The following TMPRSS11F variants were observed in gnomAD, a reference collection of about 807,000 sequenced individuals.
The protein encoded by TMPRSS11F is transmembrane protease serine 11F.
In TMPRSS11F, 47 loss-of-function variants were observed where a neutral mutation model predicts 60.2. That is an observed-to-expected ratio of 0.78 (90% CI 0.62 to 1.00). The LOEUF (loss-of-function observed/expected upper bound fraction) is 1.00, where lower values mean the gene tolerates loss of function less well. Ranked by LOEUF, TMPRSS11F falls within the 50% of genes least tolerant of loss-of-function variation. The pLI, the probability that TMPRSS11F is intolerant of heterozygous loss-of-function variation, is 0.00. For synonymous variants in TMPRSS11F, 166 were observed against 167.3 expected (o/e 0.99, Z 0.06); for missense variants, 519 against 522.9 (o/e 0.99, Z 0.07).
At chr4:68,127,909 A>G (rs1724744675) in intron 1 of TMPRSS11F, among the ~76,000 whole-genome samples, 1 of 152,172 alleles carries the variant, frequency 6.6e-6, no homozygotes, top group Non-Finnish European at 1.5e-5. Flanking sequence ...GCTTTTAGCT[A>G]TCCACAAATA....
chr4:68,094,626 T>C (rs1724034614), intron 2 of TMPRSS11F, among the ~76,000 whole-genome samples: 2 of 151,768 alleles, frequency 1.3e-5, no homozygotes, highest in South Asian at 4.1e-4. Context: ...TCTTGGGATT[T>C]CATGGGAGAA....
intron 2 of TMPRSS11F, among the ~76,000 whole-genome samples, chr4:68,092,141 G>A (rs916125714): frequency 2.0e-5 from 3 of 151,932 alleles, no homozygotes; most frequent in Non-Finnish European, 4.4e-5. Flanking sequence ...TTTTTTCAAT[G>A]TTGAAAACAT....
chr4:68,062,075 C>T (rs1183501466), intron 8 of TMPRSS11F: 3 of 451,700 alleles, frequency 6.6e-6, no homozygotes, highest in African/African-American at 2.0e-5. Flanking sequence ...ATATGACTTA[C>T]GATAGGGTTG....
At chr4:68,079,324 C>T (rs914604165) in intron 3 of TMPRSS11F, among the ~76,000 whole-genome samples, 1 of 152,004 alleles carries the variant, frequency 6.6e-6, no homozygotes, top group Non-Finnish European at 1.5e-5. Flanking sequence ...GTGTTAAGCG[C>T]ATTAAGTGAC....
chr4:68,121,319 G>A (rs943550598), intron 1 of TMPRSS11F, among the ~76,000 whole-genome samples: 1 of 152,076 alleles, frequency 6.6e-6, no homozygotes, highest in Non-Finnish European at 1.5e-5. Context: ...AACACCTAAG[G>A]AGACAAAAAC....
chr4:68,104,562 A>C (rs866950084), intron 1 of TMPRSS11F, among the ~76,000 whole-genome samples: 1 of 152,098 alleles, frequency 6.6e-6, no homozygotes, highest in Non-Finnish European at 1.5e-5. Flanking sequence ...ACCTTCTGCC[A>C]TGATTATAAG....
At chr4:68,119,939 T>C (rs1253872648) in intron 1 of TMPRSS11F, among the ~76,000 whole-genome samples, 1 of 152,140 alleles carries the variant, frequency 6.6e-6, no homozygotes, top group Non-Finnish European at 1.5e-5. Context: ...ACATCTGTGA[T>C]TTATGGAGGG....
chr4:68,126,550 G>A (rs913292830), intron 1 of TMPRSS11F, among the ~76,000 whole-genome samples: 1 of 152,040 alleles, frequency 6.6e-6, no homozygotes, highest in African/African-American at 2.4e-5. Flanking sequence ...CATAATAAAC[G>A]GTAAAACTTG....
At chr4:68,111,780 A>G (rs1222849531) in intron 1 of TMPRSS11F, among the ~76,000 whole-genome samples, 1 of 152,140 alleles carries the variant, frequency 6.6e-6, no homozygotes, top group African/African-American at 2.4e-5. Context: ...TCATTTAATG[A>G]TTAGTTAAGG....
At chr4:68,076,884 A>G (rs1449834157) in intron 3 of TMPRSS11F, among the ~76,000 whole-genome samples, 4 of 152,202 alleles carry the variant, frequency 2.6e-5, no homozygotes, top group African/African-American at 7.2e-5. Flanking sequence ...TGGTAAATAC[A>G]TAGGCAACCA....
At chr4:68,088,917 T>C (rs1723870844) in intron 3 of TMPRSS11F, among the ~76,000 whole-genome samples, 1 of 152,064 alleles carries the variant, frequency 6.6e-6, no homozygotes, top group African/African-American at 2.4e-5. Context: ...AAACAAACGT[T>C]GTCTCATGGA....
intron 2 of TMPRSS11F, among the ~76,000 whole-genome samples, chr4:68,098,574 GAA>G (rs2109871221): frequency 6.6e-6 from 1 of 152,162 alleles, no homozygotes; most frequent in South Asian, 2.1e-4. Flanking sequence ...TACTGATTCT[GAA>G]AAGAGTATAC....
At chr4:68,114,933 T>A (rs535141037) in intron 1 of TMPRSS11F, among the ~76,000 whole-genome samples, 2 of 145,446 alleles carry the variant, frequency 1.4e-5, no homozygotes, top group African/African-American at 5.1e-5. Flanking sequence ...TCCTATGTGA[T>A]CATCTCAATA....
At chr4:68,079,027 T>A (rs1182048608) in intron 3 of TMPRSS11F, among the ~76,000 whole-genome samples, 1 of 103,442 alleles carries the variant, frequency 9.7e-6, no homozygotes, top group African/African-American at 2.9e-5. Context: ...CAAACCATAG[T>A]CCCCCAATGC....
At chr4:68,124,470 G>A (rs1379605703) in intron 1 of TMPRSS11F, among the ~76,000 whole-genome samples, 1 of 152,176 alleles carries the variant, frequency 6.6e-6, no homozygotes, top group East Asian at 1.9e-4. Flanking sequence ...CAGCGATCAT[G>A]ACAGAGCAAA....
chr4:68,111,317 C>T (rs917388846), intron 1 of TMPRSS11F, among the ~76,000 whole-genome samples: 11 of 152,216 alleles, frequency 7.2e-5, no homozygotes, highest in Admixed American at 2.0e-4. Context: ...ACTATTCCTA[C>T]GGCAACTCAG....
Position 68,062,909 on chromosome 4 carries a change from G to T in TMPRSS11F, c.1015+1776C>A, listed in dbSNP as rs371091068. ...GTGGCTGCCTTTTATCACTTCTGCTGATAGTCTCCCATTTGTGGCATTATA... is the reference window on the plus strand; with the variant it reads ...GTGGCTGCCTTTTATCACTTCTGCTTATAGTCTCCCATTTGTGGCATTATA... On this transcript the variant is annotated intron_variant, in intron 8 of 9. Transcript: ENST00000356291. 4.0e-5 allele frequency: 32 copies of T among 805,624 alleles called. No individual in the cohort carries two copies. In the African/African-American group the frequency reaches 4.9e-4, roughly 12 times the overall value. The allele number at this position is 805,624 out of a possible 1,614,324, so 49.9% of individuals were successfully genotyped here.
At chr4:68,115,066 C>T (rs1372887152) in intron 1 of TMPRSS11F, among the ~76,000 whole-genome samples, 1 of 150,436 alleles carries the variant, frequency 6.6e-6, no homozygotes, top group African/African-American at 2.4e-5. Context: ...GAAAAGTTTC[C>T]CGGCCGGGCG....
chr4:68,065,851 C>T (rs1723314756), intron 7 of TMPRSS11F, among the ~76,000 whole-genome samples: 1 of 151,752 alleles, frequency 6.6e-6, no homozygotes, highest in Admixed American at 6.6e-5. Context: ...GGTGTGGTGG[C>T]TCATGCCTGT....
Sources: allele counts gnomAD v4.1 joint callset (sites outside exome capture counted in the v4.1 genomes callset), GRCh38; gene constraint gnomAD v4.1.1; transcripts MANE v1.5; gene names NCBI Gene and HGNC (gene_info 2026-07-23, HGNC 2026-07-21).